SH3GL2: variants seen among roughly 807,000 people sequenced by gnomAD.
SH3GL2 encodes SH3 domain containing GRB2 like 2, endophilin A1.
SH3GL2 carries 24 observed loss-of-function variants against 46.0 expected under a neutral mutation model. The ratio of observed to expected loss-of-function variants is 0.52; its 90% CI spans 0.38 to 0.73. The LOEUF is 0.73. SH3GL2 is among the 30% of genes least tolerant of loss of function. The probability of loss-of-function intolerance (pLI) is 0.00; values close to 1 mark genes in which losing one functional copy is unlikely to be tolerated. For missense variants in SH3GL2, 413 were observed against 424.2 expected, an observed-to-expected ratio of 0.97 and a Z score of 0.23; for synonymous variants, 196 against 147.1, an observed-to-expected ratio of 1.33 and a Z score of -2.40.
At chr9:17,774,568 A>G (rs1314468870) in intron 3 of SH3GL2, among the ~76,000 whole-genome samples, 11 of 150,072 alleles carry the variant, frequency 7.3e-5, no homozygotes, top group Admixed American at 6.6e-4. Flanking sequence ...TTTTTACTCT[A>G]TTTTGTTAAT....
At chr9:17,629,062 A>G (rs1023978023) in intron 1 of SH3GL2, among the ~76,000 whole-genome samples, 8 of 151,486 alleles carry the variant, frequency 5.3e-5, no homozygotes, top group African/African-American at 1.9e-4. Flanking sequence ...TTTGAAGAGG[A>G]CTTAGATGAA....
At chr9:17,624,759 A>G (rs547131907) in intron 1 of SH3GL2, among the ~76,000 whole-genome samples, 1 of 152,294 alleles carries the variant, frequency 6.6e-6, no homozygotes, top group South Asian at 2.1e-4. Flanking sequence ...CCCTGGAGCC[A>G]TCTGTTCCTT....
intron 1 of SH3GL2, among the ~76,000 whole-genome samples, chr9:17,704,568 C>G (rs889453513): frequency 1.3e-5 from 2 of 152,004 alleles, no homozygotes; most frequent in African/African-American, 4.8e-5. Flanking sequence ...CAGTATGGTA[C>G]TGGTAGAAAA....
chr9:17,670,479 G>A (rs1302034405), intron 1 of SH3GL2, among the ~76,000 whole-genome samples: 1 of 152,188 alleles, frequency 6.6e-6, no homozygotes. Context: ...TTTTCAGCAT[G>A]TTTTAATATC....
At chr9:17,673,181 C>G (rs1820516479) in intron 1 of SH3GL2, among the ~76,000 whole-genome samples, 1 of 152,014 alleles carries the variant, frequency 6.6e-6, no homozygotes, top group Non-Finnish European at 1.5e-5. Flanking sequence ...GACAGTCTCA[C>G]TTTGTCACCC....
At chr9:17,770,224 A>T (rs1388356031) in intron 3 of SH3GL2, among the ~76,000 whole-genome samples, 1 of 152,220 alleles carries the variant, frequency 6.6e-6, no homozygotes, top group Non-Finnish European at 1.5e-5. Context: ...GGCTGAAGCT[A>T]TTAATAGACA....
intron 1 of SH3GL2, among the ~76,000 whole-genome samples, chr9:17,719,504 G>C (rs1293462413): frequency 6.6e-6 from 1 of 152,012 alleles, no homozygotes; most frequent in Non-Finnish European, 1.5e-5. Context: ...GAAAGTTTTT[G>C]GCTGGGCACA....
intron 1 of SH3GL2, among the ~76,000 whole-genome samples, chr9:17,694,104 G>A (rs1328838442): frequency 3.3e-5 from 5 of 152,060 alleles, no homozygotes; most frequent in Non-Finnish European, 7.4e-5. Context: ...TCCTGGTAAG[G>A]AAATTGGAGA....
intron 1 of SH3GL2, among the ~76,000 whole-genome samples, chr9:17,666,576 G>GTATA (rs566409032): frequency 9.6e-4 from 97 of 100,602 alleles, no homozygotes; most frequent in Middle Eastern, 5.2e-3. Flanking sequence ...GTGTGTGTGT[G>GTATA]TGTATATACA....
intron 1 of SH3GL2, among the ~76,000 whole-genome samples, chr9:17,714,576 T>A (rs1345565317): frequency 6.6e-6 from 1 of 151,784 alleles, no homozygotes; most frequent in Non-Finnish European, 1.5e-5. Flanking sequence ...ATAACATTGA[T>A]CTTTAACATC....
rs1824196094 is a variant in SH3GL2, at chr9:17,793,633, A to G, written c.859+136A>G. ...TACATTTCTTATGGAGTCAGTTGTC[A>G]GGTAGAAACTCTGTTAAAGGAATCC... On this transcript the variant is annotated intron_variant, in intron 8 of 8. Coordinates refer to ENST00000380607, the MANE Select transcript of SH3GL2 (RefSeq NM_003026.5). 19 of 776,810 alleles carry G rather than the reference A, an allele frequency of 2.4e-5. No homozygotes were observed. In the South Asian group the frequency reaches 3.3e-4, roughly 14 times the overall value. 48.1% of individuals were successfully genotyped at this position (776,810 alleles called of 1,614,324 possible).
intron 1 of SH3GL2, among the ~76,000 whole-genome samples, chr9:17,708,813 C>T (rs1454565225): frequency 1.3e-5 from 2 of 151,974 alleles, no homozygotes; most frequent in African/African-American, 4.8e-5. Flanking sequence ...TTACGAGATT[C>T]AGTTTTAAAG....
At chr9:17,673,464 C>T (rs1820526448) in intron 1 of SH3GL2, among the ~76,000 whole-genome samples, 1 of 151,832 alleles carries the variant, frequency 6.6e-6, no homozygotes, top group Non-Finnish European at 1.5e-5. Context: ...GATCTTGACT[C>T]ATCTCCCTGT....
chr9:17,788,636 G>T (rs1456477672), intron 5 of SH3GL2, among the ~76,000 whole-genome samples: 2 of 152,114 alleles, frequency 1.3e-5, no homozygotes, highest in Non-Finnish European at 2.9e-5. Flanking sequence ...AGCCTGGGCA[G>T]CCATCTACCA....
At chr9:17,687,424 C>A (rs1303624030) in intron 1 of SH3GL2, among the ~76,000 whole-genome samples, 3 of 148,658 alleles carry the variant, frequency 2.0e-5, no homozygotes, top group Non-Finnish European at 4.4e-5. Context: ...GAGGAGTATG[C>A]TGAATGGTAA....
intron 1 of SH3GL2, among the ~76,000 whole-genome samples, chr9:17,615,830 A>G (rs1374282364): frequency 6.6e-6 from 1 of 152,102 alleles, no homozygotes; most frequent in African/African-American, 2.4e-5. Flanking sequence ...ACTTTCTAGA[A>G]CTCAGTCAAA....
Position 17,722,656 on chromosome 9 carries a change from T to TA in SH3GL2, c.46-24405dup, listed in dbSNP as rs201105116. On this transcript the variant is annotated intron_variant, in intron 1 of 8. Coordinates refer to ENST00000380607, the MANE Select transcript of SH3GL2 (RefSeq NM_003026.5). ...ATCATGCTGCAGTAAATTTTTTTTT[T>TA]AAAAAGAATTCCTCTATTTACCAAA... Among the ~76,000 whole-genome samples the TA allele has an allele frequency of 7.3e-3, 1,103 of 152,096 alleles. 16 individuals are homozygous for TA. Among genetic ancestry groups the TA allele is most frequent in the African/African-American group, 0.025 (1,045 of 41,510 alleles).
intron 1 of SH3GL2, among the ~76,000 whole-genome samples, chr9:17,732,807 G>C (rs1262580879): frequency 6.6e-6 from 1 of 152,054 alleles, no homozygotes; most frequent in Non-Finnish European, 1.5e-5. Context: ...AATATAAACA[G>C]TTATGAGAAG....
At chr9:17,592,263 G>C (rs372953312) in intron 1 of SH3GL2, among the ~76,000 whole-genome samples, 2 of 152,302 alleles carry the variant, frequency 1.3e-5, no homozygotes, top group East Asian at 1.9e-4. Context: ...GCCCTCAAGC[G>C]ATTGGATGTC....
Sources: gnomAD v4.1 joint callset for allele counts (sites outside exome capture counted in the v4.1 genomes callset) on GRCh38, gnomAD v4.1.1 for gene constraint, MANE v1.5 for transcripts, NCBI Gene and HGNC (gene_info 2026-07-23, HGNC 2026-07-21) for gene names.